CCDC63: variants seen among roughly 807,000 people sequenced by gnomAD.
CCDC63 encodes coiled-coil domain-containing protein 63.
A neutral mutation model predicts 63.6 loss-of-function variants in CCDC63; 54 were observed. That is an observed-to-expected ratio of 0.85 (90% CI 0.68 to 1.07). The LOEUF (loss-of-function observed/expected upper bound fraction) is 1.07. Ranked by LOEUF, CCDC63 falls within the 50% of genes least tolerant of loss-of-function variation. The pLI, the probability that CCDC63 is intolerant of heterozygous loss-of-function variation, is 0.00. For missense variants in CCDC63, 637 were observed against 689.6 expected (o/e 0.92, Z 0.86); for synonymous variants, 253 against 266.1 (o/e 0.95, Z 0.48).
In CCDC63 at chr12:110,852,916, T is replaced by C; in HGVS notation, c.-39T>C. The C allele has an allele frequency of 6.2e-7, 1 of 1,614,080 alleles. No individual in the cohort carries two copies. Among genetic ancestry groups the C allele is most frequent in the South Asian group, 1.1e-5 (1 of 91,080 alleles). On this transcript the variant is annotated 5_prime_UTR_variant, in exon 2 of 12. Transcript: ENST00000308208. ...GCTCACTGGCTTTGAGCTCTCTGGG[T>C]ACAGTGTCTGAGTGGAGGCAAAGTG...
intron 11 of CCDC63, among the ~76,000 whole-genome samples, chr12:110,906,411 G>T (rs1281995837): frequency 6.6e-6 from 1 of 151,242 alleles, no homozygotes; most frequent in Admixed American, 6.6e-5. Context: ...CCAAACAGAG[G>T]TGTATAAGCC....
At chr12:110,853,640 G>T in intron 3 of CCDC63, 66 bp downstream of exon 3, 2 of 1,585,618 alleles carry the variant, frequency 1.3e-6, no homozygotes, top group Non-Finnish European at 1.7e-6. Context: ...GCTTCATGTT[G>T]CTTGTCTTCT....
rs2070731981 is a variant in CCDC63, at chr12:110,853,434, C to T, written c.39C>T (p.Asp13=). 3.1e-6 allele frequency: 5 copies of T among 1,612,818 alleles called. No homozygotes were observed. Among genetic ancestry groups the T allele is most frequent in the Non-Finnish European group, 4.2e-6 (5 of 1,179,828 alleles). The change falls in exon 3 of 12, where the codon GAC becomes GAT. Residue 13 remains aspartate, a synonymous_variant. Coordinates refer to ENST00000308208, the MANE Select transcript of CCDC63 (RefSeq NM_152591.3). The stretch of plus-strand genomic sequence containing the variant: ...AGAAGAACAGGAGAAAAGACTCCGA[C>T]ACTCCCCAGGAACCTTCGGAGAAGG... The part of the protein sequence containing the change: ...VLKKNRRKDS[D]TPQEPSEKAK...
At chr12:110,894,192 A>G (rs1238323507) in intron 9 of CCDC63, among the ~76,000 whole-genome samples, 1 of 137,638 alleles carries the variant, frequency 7.3e-6, no homozygotes, top group Admixed American at 7.4e-5. Context: ...GATAGGAAGA[A>G]AGTGGGAGCT....
intron 8 of CCDC63, among the ~76,000 whole-genome samples, chr12:110,891,631 T>G (rs1201534476): frequency 1.1e-5 from 1 of 93,648 alleles, no homozygotes; most frequent in Non-Finnish European, 2.0e-5. Flanking sequence ...AGAGACCCTT[T>G]CTCAAAAAAA....
At position 110,904,676 on chromosome 12, in the gene CCDC63, G is replaced by A. The variant is rs201517807; in HGVS notation, c.1431G>A (p.Pro477=). Residue 477 remains proline, a synonymous_variant, in exon 11 of 12, where the codon CCG becomes CCA. Coordinates refer to ENST00000308208, the MANE Select transcript of CCDC63 (RefSeq NM_152591.3). The part of the protein sequence containing the change: ...LEVEGAEAEI[P]PPFINPFWGG... ...TGGAAGGGGCAGAGGCTGAGATCCC[G>A]CCACCCTTCATCAACCCTTTCTGGG... is the stretch of plus-strand genomic sequence containing the variant. The A allele has an allele frequency of 8.6e-5, 139 of 1,614,058 alleles. No individual in the cohort carries two copies. The highest frequency in any genetic ancestry group is 7.5e-4 in the South Asian group (68 of 91,080).
intron 9 of CCDC63, among the ~76,000 whole-genome samples, chr12:110,893,790 C>T (rs749805521): frequency 1.3e-5 from 2 of 152,090 alleles, no homozygotes; most frequent in Admixed American, 6.6e-5. Context: ...AGTTTATTTA[C>T]TTTAAGAAAT....
chr12:110,855,677 G>A (rs2070761348), intron 3 of CCDC63, among the ~76,000 whole-genome samples: 1 of 152,180 alleles, frequency 6.6e-6, no homozygotes, highest in Admixed American at 6.6e-5. Flanking sequence ...TGCCTCCTGG[G>A]TTCATGCAAT....
chr12:110,877,480 A>T (rs928365460), intron 5 of CCDC63, among the ~76,000 whole-genome samples: 1 of 151,928 alleles, frequency 6.6e-6, no homozygotes, highest in African/African-American at 2.4e-5. Flanking sequence ...GGCCTCCCGA[A>T]GTGTTGTGAT....
At chr12:110,896,755 G>C (rs1164052985) in intron 9 of CCDC63, among the ~76,000 whole-genome samples, 1 of 152,216 alleles carries the variant, frequency 6.6e-6, no homozygotes, top group Non-Finnish European at 1.5e-5. Flanking sequence ...AATCACTGAG[G>C]GTGGAGTTGG....
At chr12:110,847,897 T>C (rs1019484846) in intron 1 of CCDC63, among the ~76,000 whole-genome samples, 3 of 152,242 alleles carry the variant, frequency 2.0e-5, no homozygotes, top group African/African-American at 7.2e-5. Context: ...AGATGATCTC[T>C]GCCTGGAGGA....
intron 10 of CCDC63, among the ~76,000 whole-genome samples, chr12:110,899,643 G>C (rs1284237314): frequency 2.0e-5 from 3 of 151,250 alleles, no homozygotes; most frequent in Non-Finnish European, 2.9e-5. Context: ...GAACCTCACT[G>C]TGCTTCAGAT....
At chr12:110,870,270 C>T (rs1049701511) in intron 4 of CCDC63, among the ~76,000 whole-genome samples, 54 of 152,216 alleles carry the variant, frequency 3.5e-4, no homozygotes, top group African/African-American at 1.2e-4. Flanking sequence ...CTAGTAGAGA[C>T]GGGGTTTCAC....
intron 4 of CCDC63, among the ~76,000 whole-genome samples, chr12:110,869,437 G>A (rs2071034345): frequency 6.6e-6 from 1 of 152,134 alleles, no homozygotes; most frequent in Non-Finnish European, 1.5e-5. Flanking sequence ...GTTGTGCTTA[G>A]GATCTGGTAC....
chr12:110,864,560 C>T (rs1244960592), intron 4 of CCDC63, among the ~76,000 whole-genome samples: 1 of 151,772 alleles, frequency 6.6e-6, no homozygotes. Context: ...AAAACCCCAT[C>T]TCTGCATATG....
chr12:110,863,633 C>T (rs180837484), intron 4 of CCDC63, among the ~76,000 whole-genome samples: 6 of 151,252 alleles, frequency 4.0e-5, no homozygotes, highest in Admixed American at 2.6e-4. Flanking sequence ...CTTTGCCTCT[C>T]GGGTTCAAGC....
Position 110,858,608 on chromosome 12 carries a change from A to T in CCDC63, c.202A>T (p.Thr68Ser). 6.2e-7 allele frequency: 1 copy of T among 1,613,130 alleles called. No homozygotes were observed. The highest frequency in any genetic ancestry group is 8.5e-7 in the Non-Finnish European group (1 of 1,179,598). The change falls in exon 4 of 12, where the codon ACA becomes TCA. Residue 68 changes from threonine (T) to serine (S), a missense_variant. Physicochemically the swap from Thr to Ser is moderately conservative, Grantham distance 58 (BLOSUM62 1). Transcript: ENST00000308208. ...SQYKEIKTLK[T>S]EQDEITLLLS... ...CAGCAAGGAGATCAAGACCCTGAAG[A>T]CAGAGCAGGATGAGATCACCCTACT...
At chr12:110,904,530 A>C in intron 10 of CCDC63, 58 bp from the exon 11 acceptor site, 2 of 1,469,398 alleles carry the variant, frequency 1.4e-6, no homozygotes, top group Non-Finnish European at 1.9e-6. Flanking sequence ...CACCACCCAC[A>C]GTGCCCCCAG....
chr12:110,878,954 A>G (rs2071166072), intron 5 of CCDC63, among the ~76,000 whole-genome samples: 1 of 152,230 alleles, frequency 6.6e-6, no homozygotes, highest in African/African-American at 2.4e-5. Context: ...TAAAATAATG[A>G]GCAAATCTAT....
Sources: gnomAD v4.1 joint callset for allele counts (sites outside exome capture counted in the v4.1 genomes callset) on GRCh38, gnomAD v4.1.1 for gene constraint, MANE v1.5 for transcripts, NCBI Gene and HGNC (gene_info 2026-07-23, HGNC 2026-07-21) for gene names.